Variants in GAK observed in about 807,000 individuals in gnomAD.
GAK encodes cyclin G associated kinase.
Under a neutral mutation model 143.9 loss-of-function variants are expected in GAK, and 79 were observed. The observed-to-expected ratio is 0.55, with a 90% CI of 0.46 to 0.66. The LOEUF (loss-of-function observed/expected upper bound fraction) is 0.66. Among genes scored for constraint, GAK ranks in the 30% least tolerant of loss-of-function variants. The pLI is 0.00. For missense variants in GAK, 1,693 were observed against 1,779.7 expected (o/e 0.95, Z 0.88); for synonymous variants, 881 against 765.5 (o/e 1.15, Z -2.49).
chr4:884,312 AGC>A (rs1715800546), intron 11 of GAK: 1 of 542,624 alleles, frequency 1.8e-6, no homozygotes, highest in African/African-American at 1.9e-5. Context: ...GACAGCCTGC[AGC>A]TGGTGGAGGC....
intron 23 of GAK, among the ~76,000 whole-genome samples, chr4:862,442 C>G (rs756994796): frequency 6.6e-6 from 1 of 152,088 alleles, no homozygotes; most frequent in Admixed American, 6.5e-5. Flanking sequence ...GGGCGGATCA[C>G]GAGGTCAGGA....
chr4:868,432 CAGCTCTGCCGG>C (rs1463577286), intron 20 of GAK, 96 bp downstream of exon 20: 8 of 1,190,864 alleles, frequency 6.7e-6, no homozygotes, highest in Non-Finnish European at 8.2e-6. Flanking sequence ...AGGTGCAACT[CAGCTCTGCCGG>C]AGGCCCGTCT....
chr4:913,696 A>C, intron 1 of GAK, 28 bp from the exon 2 acceptor site: 1 of 1,566,778 alleles, frequency 6.4e-7, no homozygotes, highest in Non-Finnish European at 8.8e-7. Flanking sequence ...TTGTCAGTTC[A>C]ATGCTATGAT....
chr4:855,847 C>G (rs1280142248), intron 24 of GAK, among the ~76,000 whole-genome samples: 1 of 152,182 alleles, frequency 6.6e-6, no homozygotes, highest in African/African-American at 2.4e-5. Flanking sequence ...CCCAGCTACT[C>G]AGGAGGCTGA....
intron 24 of GAK, among the ~76,000 whole-genome samples, chr4:857,815 T>C (rs534783334): frequency 8.3e-4 from 126 of 152,114 alleles, no homozygotes; most frequent in Middle Eastern, 3.4e-3. Flanking sequence ...TCCCTTTTTT[T>C]CCCCCCAAAT....
chr4:914,508 C>CCCCCA (rs1722699617), intron 1 of GAK, among the ~76,000 whole-genome samples: 1 of 98,980 alleles, frequency 1.0e-5, no homozygotes, highest in Non-Finnish European at 2.0e-5. Context: ...CACGGCCCCA[C>CCCCCA]ACACACACAG....
chr4:893,972 T>C lies in GAK; in HGVS notation c.779A>G (p.Gln260Arg). The C allele has an allele frequency of 3.1e-6, 5 of 1,612,330 alleles. No individual in the cohort carries two copies. The highest frequency in any genetic ancestry group is 1.7e-5 in the Admixed American group (1 of 59,878). The change falls in exon 8 of 28, where the codon CAG (glutamine) becomes CGG (arginine). Residue 260 changes from glutamine to arginine, a missense_variant. By Grantham distance (43) the Gln-to-Arg change is conservative. Coordinates refer to ENST00000314167, the MANE Select transcript of GAK (RefSeq NM_005255.4). Reference protein sequence around the residue: ...GCILYLLCFRQHPFEDGAKLR... With the variant: ...GCILYLLCFRRHPFEDGAKLR... The stretch of plus-strand genomic sequence containing the variant: ...TTTCGCTCCATCCTCAAAAGGGTGC[T>C]GCCGGAAGCACAGCAGGTACAAGAT...
chr4:884,958 G>A (rs17781348), intron 11 of GAK, among the ~76,000 whole-genome samples: 10,528 of 152,008 alleles, frequency 0.069, 498 homozygotes, highest in Non-Finnish European at 0.1. Flanking sequence ...GTGACCATGC[G>A]TTCAAACGTT....
intron 1 of GAK, among the ~76,000 whole-genome samples, chr4:921,922 C>T (rs1427809497): frequency 3.3e-5 from 5 of 152,074 alleles, no homozygotes; most frequent in African/African-American, 1.2e-4. Context: ...AGAAGCACTC[C>T]CAAGCTATCG....
intron 24 of GAK, among the ~76,000 whole-genome samples, chr4:857,842 T>TCAGGTTACTGCTGGGG (rs1749565858): frequency 2.6e-5 from 4 of 152,152 alleles, no homozygotes. Flanking sequence ...TGCAGAGAGC[T>TCAGGTTACTGCTGGGG]CAGGTTACTG....
rs200765853 is a variant in GAK at position 851,603 on chromosome 4, A to G, written c.3508+147T>C. The G allele has an allele frequency of 3.2e-4, 246 of 765,870 alleles. 1 individual carries two copies. Among genetic ancestry groups the G allele is most frequent in the Admixed American group, 9.0e-5 (4 of 44,476 alleles). The allele number at this position is 765,870 out of a possible 1,614,324, so 47.4% of individuals were successfully genotyped here. On this transcript the variant is annotated intron_variant, in intron 25 of 27. Coordinates refer to ENST00000314167, the MANE Select transcript of GAK (RefSeq NM_005255.4). ...CCCAGAGAGAGACCAGTGAACACAC[A>G]TCGGAAACCGCGTCGTTCTCTGAGT...
chr4:910,722 C>T (rs1293524519), intron 4 of GAK, among the ~76,000 whole-genome samples: 1 of 151,368 alleles, frequency 6.6e-6, no homozygotes, highest in Admixed American at 6.6e-5. Flanking sequence ...CTGCTGCTCC[C>T]GGCCTCTCCT....
chr4:900,124 C>A (rs914284804), intron 5 of GAK, among the ~76,000 whole-genome samples: 1 of 152,264 alleles, frequency 6.6e-6, no homozygotes, highest in South Asian at 2.1e-4. Flanking sequence ...CCCATCCCCT[C>A]GCGTGTGCCC....
intron 9 of GAK, 148 bp from the exon 10 acceptor site, chr4:890,770 G>T: frequency 1.6e-6 from 1 of 629,454 alleles, no homozygotes; most frequent in Non-Finnish European, 2.7e-6. Flanking sequence ...CTTCCCACAG[G>T]CTGAAGCATC....
chr4:931,337 G>C (rs536956042), intron 1 of GAK, among the ~76,000 whole-genome samples: 5 of 152,138 alleles, frequency 3.3e-5, no homozygotes, highest in African/African-American at 1.2e-4. Context: ...CACACGAGTA[G>C]ATGTTCACCG....
rs547562897 is a variant in GAK at position 874,564 on chromosome 4, T to C, written c.2054+1966A>G. Among the ~76,000 whole-genome samples the C allele has an allele frequency of 3.9e-5, 6 of 152,260 alleles. No homozygotes were observed. The East Asian group carries it at 7.7e-4, about 20-fold the overall frequency. On this transcript the variant is annotated intron_variant, in intron 18 of 27. Coordinates refer to ENST00000314167, the MANE Select transcript of GAK (RefSeq NM_005255.4). The stretch of plus-strand genomic sequence containing the variant: ...CCTTCGGGTGTCACTCTGCAGGTCA[T>C]GCATTCCCACCCCGTCCTGTCCTCG...
intron 1 of GAK, among the ~76,000 whole-genome samples, chr4:931,710 C>A (rs1027479331): frequency 5.9e-5 from 9 of 152,050 alleles, no homozygotes; most frequent in Non-Finnish European, 1.2e-4. Context: ...ACCGTAACAT[C>A]TTCCCCCACC....
At position 898,143 on chromosome 4, in the gene GAK, G is replaced by C; in HGVS notation, c.541C>G (p.Leu181Val). The change falls in exon 6 of 28, where the codon CTT (leucine) becomes GTT (valine). Residue 181 changes from leucine (L) to valine (V), a missense_variant. By Grantham distance (32) the Leu-to-Val change is conservative. Around this residue, in one of 2 missense-constraint regions of GAK, gnomAD observed 871 missense variants for 991.0 expected, o/e 0.88. Transcript: ENST00000314167. ...AGCTTAATGGTCCCTTGGTTACTAA[G>C]CAACAAGTTCTCAACCTGTAAAATT... The part of the protein sequence containing the change: ...HRDLKVENLL[L>V]SNQGTIKLCD... 2.5e-6 allele frequency: 4 copies of C among 1,614,080 alleles called. No homozygotes were observed. Among genetic ancestry groups the C allele is most frequent in the Non-Finnish European group, 3.4e-6 (4 of 1,179,936 alleles).
At chr4:867,732 G>C (rs1449380937) in intron 20 of GAK, among the ~76,000 whole-genome samples, 1 of 151,990 alleles carries the variant, frequency 6.6e-6, no homozygotes, top group Non-Finnish European at 1.5e-5. Flanking sequence ...CCAGGGCCTT[G>C]GCGAACCCAC....
Sources: gnomAD v4.1 joint callset for allele counts (sites outside exome capture counted in the v4.1 genomes callset) on GRCh38, gnomAD v4.1.1 for gene constraint, gnomAD v4.1.1 regional missense constraint, MANE v1.5 for transcripts, NCBI Gene and HGNC (gene_info 2026-07-23, HGNC 2026-07-21) for gene names.